The following STX8 variants were observed in gnomAD, a reference collection of about 807,000 sequenced individuals.
STX8 encodes syntaxin 8.
A neutral mutation model predicts 37.5 loss-of-function variants in STX8; 23 were observed. That is an observed-to-expected ratio of 0.61 (90% CI 0.44 to 0.87). The LOEUF (loss-of-function observed/expected upper bound fraction) is 0.87, where lower values mean the gene tolerates loss of function less well. Ranked by LOEUF, STX8 falls within the 40% of genes least tolerant of loss-of-function variation. The probability of loss-of-function intolerance (pLI) is 0.00; values close to 1 mark genes in which losing one functional copy is unlikely to be tolerated. For missense variants in STX8, 313 were observed against 284.7 expected, an observed-to-expected ratio of 1.10 and a Z score of -0.71; for synonymous variants, 115 against 99.1, an observed-to-expected ratio of 1.16 and a Z score of -0.95.
At chr17:9,515,068 T>C (rs1905125115) in intron 4 of STX8, among the ~76,000 whole-genome samples, 1 of 152,172 alleles carries the variant, frequency 6.6e-6, no homozygotes, top group Non-Finnish European at 1.5e-5. Context: ...TATAGACAAA[T>C]GGACCAAAAT....
chr17:9,496,879 G>A (rs1429358058), intron 5 of STX8, among the ~76,000 whole-genome samples: 1 of 152,216 alleles, frequency 6.6e-6, no homozygotes, highest in Admixed American at 6.5e-5. Context: ...TCTCCAGAAT[G>A]AGCCTCCAGA....
intron 7 of STX8, among the ~76,000 whole-genome samples, chr17:9,314,994 T>C (rs944333363): frequency 3.3e-5 from 5 of 149,440 alleles, no homozygotes; most frequent in Admixed American, 2.7e-4. Context: ...CCCAGCTACT[T>C]GGGAGGCTGA....
At position 9,334,727 on chromosome 17, in the gene STX8, G is replaced by A. The variant is rs1022370073; in HGVS notation, c.643+43825C>T. 3.3e-5 allele frequency among the ~76,000 whole-genome samples: 5 copies of A among 152,296 alleles called. No individual in the cohort carries two copies. The East Asian group carries it at 7.7e-4, about 24-fold the overall frequency. ...AAGAATTTATTTGGCTCATGGTTCT[G>A]AAGGCTGGGAAGTACAAGAACATGG... On this transcript the variant is annotated intron_variant, in intron 7 of 7. Coordinates refer to ENST00000306357, the MANE Select transcript of STX8 (RefSeq NM_004853.3).
rs140550685 is a variant in STX8, at chr17:9,347,153, A to T, written c.643+31399T>A. ...TCAAAAAAATAAAAAAATAAAAAAA[A>T]AAAAAGAAATGCCTCTCCTTTTCAG... On this transcript the variant is annotated intron_variant, in intron 7 of 7. Transcript: ENST00000306357. Among the ~76,000 whole-genome samples the T allele has an allele frequency of 3.6e-3, 546 of 151,822 alleles. 4 individuals are homozygous for T. The highest frequency in any genetic ancestry group is 0.012 in the African/African-American group (493 of 41,424).
chr17:9,371,607 G>C (rs1353990953), intron 7 of STX8, among the ~76,000 whole-genome samples: 1 of 150,954 alleles, frequency 6.6e-6, no homozygotes, highest in Non-Finnish European at 1.5e-5. Flanking sequence ...TTCTCTTCAA[G>C]ATGCTAACAT....
chr17:9,388,452 A>C (rs1302286234), intron 6 of STX8, among the ~76,000 whole-genome samples: 1 of 151,908 alleles, frequency 6.6e-6, no homozygotes, highest in Non-Finnish European at 1.5e-5. Context: ...ACATTATCCA[A>C]ATACCCCAGT....
intron 7 of STX8, among the ~76,000 whole-genome samples, chr17:9,356,236 A>G (rs1210312553): frequency 6.6e-6 from 1 of 152,204 alleles, no homozygotes; most frequent in African/African-American, 2.4e-5. Flanking sequence ...CTATTAAAAC[A>G]ATGTCTGCAT....
chr17:9,257,976 G>A lies in STX8; in HGVS notation c.644-7331C>T, dbSNP rs542780775. 3.3e-5 allele frequency among the ~76,000 whole-genome samples: 5 copies of A among 152,300 alleles called. 1 individual carries two copies. The South Asian group carries it at 1.0e-3, about 32-fold the overall frequency. On this transcript the variant is annotated intron_variant, in intron 7 of 7. Coordinates refer to ENST00000306357, the MANE Select transcript of STX8 (RefSeq NM_004853.3). ...TGCACTCCAACCTGGGTGACAGAGC[G>A]AGATTTTGTTTAAAACAAAAACAAA... is the stretch of plus-strand genomic sequence containing the variant.
intron 7 of STX8, among the ~76,000 whole-genome samples, chr17:9,375,063 CAAAAAAAAA>C (rs58594029): frequency 4.6e-5 from 3 of 65,472 alleles, no homozygotes; most frequent in South Asian, 6.3e-4. Flanking sequence ...GACTCTGTCT[CAAAAAAAAA>C]AAAAAAAAAA....
intron 6 of STX8, 68 bp downstream of exon 6, chr17:9,491,761 C>G: frequency 7.4e-7 from 1 of 1,351,886 alleles, no homozygotes; most frequent in Non-Finnish European, 1.0e-6. Flanking sequence ...TAAACTCATT[C>G]AACAAATGCT....
intron 6 of STX8, among the ~76,000 whole-genome samples, chr17:9,409,328 T>C (rs1912905728): frequency 6.6e-6 from 1 of 152,116 alleles, no homozygotes; most frequent in South Asian, 2.1e-4. Flanking sequence ...ATTTGTATAC[T>C]ATGAAAGTGC....
intron 7 of STX8, among the ~76,000 whole-genome samples, chr17:9,356,960 G>GTTTTTTTTTTTTTTTTTT (rs140965935): frequency 1.1e-4 from 7 of 61,748 alleles, no homozygotes; most frequent in African/African-American, 3.1e-4. Flanking sequence ...CCTTTTAACA[G>GTTTTTTTTTTTTTTTTTT]TTTTTTTTTT....
chr17:9,468,449 G>A (rs537544497), intron 6 of STX8, among the ~76,000 whole-genome samples: 1 of 152,246 alleles, frequency 6.6e-6, no homozygotes, highest in African/African-American at 2.4e-5. Flanking sequence ...AACATCTTAC[G>A]AAAATGTTAG....
intron 6 of STX8, among the ~76,000 whole-genome samples, chr17:9,386,489 A>G (rs142298292): frequency 4.6e-5 from 7 of 152,216 alleles, no homozygotes; most frequent in African/African-American, 1.2e-4. Flanking sequence ...ATACAAATTC[A>G]CGCAAATGGG....
At chr17:9,434,011 C>CT (rs11340373) in intron 6 of STX8, among the ~76,000 whole-genome samples, 35 of 150,678 alleles carry the variant, frequency 2.3e-4, no homozygotes, top group Middle Eastern at 3.4e-3. Context: ...ATGTCAGGAT[C>CT]TTTTTTTTTT....
chr17:9,397,998 AAAG>A (rs1224063169), intron 6 of STX8, among the ~76,000 whole-genome samples: 1 of 148,830 alleles, frequency 6.7e-6, no homozygotes, highest in African/African-American at 2.5e-5. Context: ...CAAAAAAAAA[AAAG>A]AAAGAAAGAA....
At chr17:9,558,788 A>T (rs1038653353) in intron 2 of STX8, among the ~76,000 whole-genome samples, 4 of 151,516 alleles carry the variant, frequency 2.6e-5, no homozygotes, top group African/African-American at 9.7e-5. Context: ...GCGCCACTGC[A>T]CTCCAGCCTG....
rs140523456 is a variant in STX8 at position 9,325,678 on chromosome 17, T to C, written c.643+52874A>G. 3.3e-5 allele frequency among the ~76,000 whole-genome samples: 5 copies of C among 152,388 alleles called. No homozygotes were observed. In the East Asian group the frequency reaches 9.6e-4, roughly 29 times the overall value. On this transcript the variant is annotated intron_variant, in intron 7 of 7. Transcript: ENST00000306357. ...GAAGAGCTCAGGAAGGTTTCCATCT[T>C]TGGCAAATACTTCCCAGTAGACTGG...
At chr17:9,384,002 T>C (rs1911905704) in intron 6 of STX8, among the ~76,000 whole-genome samples, 1 of 152,158 alleles carries the variant, frequency 6.6e-6, no homozygotes, top group African/African-American at 2.4e-5. Flanking sequence ...CATATGGTAG[T>C]TCTATCTGTG....
Sources: allele counts gnomAD v4.1 joint callset (sites outside exome capture counted in the v4.1 genomes callset), GRCh38; gene constraint gnomAD v4.1.1; transcripts MANE v1.5; gene names NCBI Gene and HGNC (gene_info 2026-07-23, HGNC 2026-07-21).